The following SDK1 variants were observed in gnomAD, a reference collection of about 807,000 sequenced individuals.
SDK1 encodes the protein sidekick cell adhesion molecule 1, also known as protein sidekick-1.
Under a neutral mutation model 245.5 loss-of-function variants are expected in SDK1, and 157 were observed. The observed-to-expected ratio is 0.64, with a 90% CI of 0.56 to 0.73. SDK1 has a LOEUF of 0.73. SDK1 is among the 30% of genes least tolerant of loss of function. The pLI, the probability that SDK1 is intolerant of heterozygous loss-of-function variation, is 0.00. For synonymous variants in SDK1, 1,647 were observed against 1,278.5 expected (o/e 1.29, Z -6.15); for missense variants, 3,583 against 3,002.3 (o/e 1.19, Z -4.52).
At chr7:3,616,740 T>G (rs1029801889) in intron 1 of SDK1, among the ~76,000 whole-genome samples, 3 of 152,240 alleles carry the variant, frequency 2.0e-5, no homozygotes, top group Non-Finnish European at 4.4e-5. Flanking sequence ...CCTATGTATT[T>G]ATATTTAAAT....
rs189885764 is a variant in SDK1, at chr7:3,715,469, A to G, written c.713+73364A>G. Among the ~76,000 whole-genome samples, 535 of 152,296 alleles carry G rather than the reference A, an allele frequency of 3.5e-3. 4 individuals are homozygous for G. The highest frequency in any genetic ancestry group is 0.016 in the South Asian group (78 of 4,828). Reference sequence around the variant, plus strand: ...ATATCCTCTCAGCCTACCGAACCAGACACCCCTCACCTTCTACCTGGTGAT... The same window carrying G: ...ATATCCTCTCAGCCTACCGAACCAGGCACCCCTCACCTTCTACCTGGTGAT... On this transcript the variant is annotated intron_variant, in intron 4 of 44. Transcript: ENST00000404826.
At chr7:3,566,446 C>T (rs373351691) in intron 1 of SDK1, among the ~76,000 whole-genome samples, 11 of 152,018 alleles carry the variant, frequency 7.2e-5, no homozygotes, top group Admixed American at 2.0e-4. Flanking sequence ...AGGATGGTCT[C>T]GATCTCCTGA....
intron 4 of SDK1, among the ~76,000 whole-genome samples, chr7:3,746,738 C>G (rs1405108529): frequency 6.6e-6 from 1 of 152,202 alleles, no homozygotes; most frequent in Admixed American, 6.5e-5. Context: ...ACTGCTAATT[C>G]TAGTTCTCTT....
At chr7:3,923,403 G>C (rs1280408698) in intron 5 of SDK1, among the ~76,000 whole-genome samples, 1 of 152,146 alleles carries the variant, frequency 6.6e-6, no homozygotes, top group Admixed American at 6.5e-5. Flanking sequence ...TTTGTTACGG[G>C]GCTAAAGGAA....
At chr7:4,137,599 A>G (rs749944131) in intron 28 of SDK1, among the ~76,000 whole-genome samples, 6 of 152,200 alleles carry the variant, frequency 3.9e-5, no homozygotes, top group Non-Finnish European at 7.3e-5. Flanking sequence ...TTAATCTTCC[A>G]TTTGGATCAA....
chr7:4,077,640 G>A (rs1187232974), intron 21 of SDK1, among the ~76,000 whole-genome samples: 1 of 152,202 alleles, frequency 6.6e-6, no homozygotes, highest in Non-Finnish European at 1.5e-5. Context: ...CATGGCGGAA[G>A]GCAAGGAGGA....
chr7:3,324,757 A>G (rs556461171), intron 1 of SDK1, among the ~76,000 whole-genome samples: 2 of 152,136 alleles, frequency 1.3e-5, no homozygotes, highest in Non-Finnish European at 2.9e-5. Flanking sequence ...GCTGGTTTTT[A>G]TATTTTTATT....
At chr7:3,441,645 C>T (rs1401690090) in intron 1 of SDK1, among the ~76,000 whole-genome samples, 2 of 152,136 alleles carry the variant, frequency 1.3e-5, no homozygotes, top group African/African-American at 2.4e-5. Flanking sequence ...TCATTAGCCT[C>T]CCAACTTTGT....
At chr7:3,396,723 A>G (rs746280044) in intron 1 of SDK1, among the ~76,000 whole-genome samples, 21 of 151,516 alleles carry the variant, frequency 1.4e-4, no homozygotes, top group African/African-American at 4.8e-4. Flanking sequence ...TTTGTTTTCA[A>G]CTGATCTGTA....
chr7:3,962,731 G>C lies in SDK1; in HGVS notation c.1309G>C (p.Val437Leu). 6.2e-7 allele frequency: 1 copy of C among 1,613,776 alleles called. No homozygotes were observed. ...CAGGCTCCAGAATCCTCGATACAAA[G>C]TGCTCGCCAGCGGAGGCCTGCGCAT... Reference protein sequence around the residue: ...ISRLQNPRYKVLASGGLRIQK... With the variant: ...ISRLQNPRYKLLASGGLRIQK... The change falls in exon 9 of 45, where the codon GTG becomes CTG. Residue 437 changes from valine to leucine, a missense_variant. By Grantham distance (32) the Val-to-Leu change is conservative. Transcript: ENST00000404826.
intron 1 of SDK1, among the ~76,000 whole-genome samples, chr7:3,473,694 T>A (rs1366805908): frequency 6.6e-6 from 1 of 152,180 alleles, no homozygotes. Context: ...TTTTTCCATT[T>A]TATCTTTCTA....
chr7:3,635,175 T>G (rs1181896236), intron 2 of SDK1, among the ~76,000 whole-genome samples: 1 of 152,208 alleles, frequency 6.6e-6, no homozygotes, highest in Non-Finnish European at 1.5e-5. Flanking sequence ...TGCATTCAAT[T>G]TGACATTATT....
At chr7:3,918,941 C>T (rs546950137) in intron 5 of SDK1, among the ~76,000 whole-genome samples, 32 of 152,286 alleles carry the variant, frequency 2.1e-4, no homozygotes, top group African/African-American at 6.5e-4. Flanking sequence ...GATGTGTTAC[C>T]GGAGAATTAT....
At chr7:3,876,989 G>T (rs147297232) in intron 5 of SDK1, among the ~76,000 whole-genome samples, 1 of 152,164 alleles carries the variant, frequency 6.6e-6, no homozygotes, top group Non-Finnish European at 1.5e-5. Context: ...AATACCTTCT[G>T]TCCCTCTGCC....
intron 1 of SDK1, among the ~76,000 whole-genome samples, chr7:3,330,876 T>C (rs1279698091): frequency 6.7e-6 from 1 of 148,998 alleles, no homozygotes; most frequent in Non-Finnish European, 1.5e-5. Flanking sequence ...GAAGGCTGAG[T>C]TGGGAGGATT....
intron 5 of SDK1, among the ~76,000 whole-genome samples, chr7:3,844,475 T>A (rs1017864063): frequency 6.6e-6 from 1 of 152,216 alleles, no homozygotes; most frequent in Non-Finnish European, 1.5e-5. Context: ...GGGCCTTGGA[T>A]GTGCTAGCCT....
intron 35 of SDK1, among the ~76,000 whole-genome samples, chr7:4,199,181 A>G (rs540760139): frequency 2.6e-5 from 4 of 152,274 alleles, no homozygotes; most frequent in African/African-American, 9.6e-5. Context: ...CAAACTGCAT[A>G]TAATGCAGTT....
intron 4 of SDK1, among the ~76,000 whole-genome samples, chr7:3,772,141 G>A (rs1780422511): frequency 6.6e-6 from 1 of 151,942 alleles, no homozygotes; most frequent in Non-Finnish European, 1.5e-5. Flanking sequence ...CCGTCATGTT[G>A]CTATTCTTTT....
At chr7:3,989,617 G>T (rs1379519262) in intron 14 of SDK1, among the ~76,000 whole-genome samples, 1 of 152,148 alleles carries the variant, frequency 6.6e-6, no homozygotes, top group Non-Finnish European at 1.5e-5. Context: ...CCTAGGAGTG[G>T]TGCACTCTCG....
Sources: allele counts gnomAD v4.1 joint callset (sites outside exome capture counted in the v4.1 genomes callset), GRCh38; gene constraint gnomAD v4.1.1; transcripts MANE v1.5; gene names NCBI Gene and HGNC (gene_info 2026-07-23, HGNC 2026-07-21).